C10orf143: variants seen among roughly 807,000 people sequenced by gnomAD.
The protein encoded by C10orf143 is uncharacterized protein C10orf143.
chr10:130,043,706 C>T (rs974184008), intron 3 of C10orf143, among the ~76,000 whole-genome samples: 2 of 152,230 alleles, frequency 1.3e-5, no homozygotes, highest in East Asian at 1.9e-4. Context: ...ATGTTCTCCC[C>T]GAGGGGTGTG....
chr10:130,081,141 G>A (rs1027546588), intron 1 of C10orf143, among the ~76,000 whole-genome samples: 5 of 152,050 alleles, frequency 3.3e-5, no homozygotes, highest in African/African-American at 1.2e-4. Context: ...TAAAAAGGAT[G>A]GACCAAGGTA....
intron 3 of C10orf143, chr10:130,068,270 A>C (rs72843887): frequency 6.6e-6 from 1 of 152,160 alleles, no homozygotes. Context: ...CCAGACATGA[A>C]CTTACCAGAG....
chr10:130,106,987 G>A (rs1861660842), intron 1 of C10orf143: 1 of 1,073,368 alleles, frequency 9.3e-7, no homozygotes, highest in Non-Finnish European at 1.5e-6. Flanking sequence ...TGAAGAAACT[G>A]ATTCATGCTA....
rs753730372 is a variant in C10orf143 at position 130,107,703 on chromosome 10, A to G, written c.69+3001T>C. The G allele has an allele frequency of 1.6e-5, 20 of 1,258,762 alleles. No homozygotes were observed. The South Asian group carries it at 2.4e-4, about 15-fold the overall frequency. 78.0% of individuals were successfully genotyped at this position (1,258,762 alleles called of 1,614,324 possible). On this transcript the variant is annotated intron_variant, in intron 1 of 3. Coordinates refer to ENST00000637128, the MANE Select transcript of C10orf143 (RefSeq NM_001355042.2). The stretch of plus-strand genomic sequence containing the variant: ...CTCTCACCTTTGCCTCCAGGGGGGG[A>G]AGGAAGAGGCTCAAGAGGCCCAGGG...
At chr10:130,060,650 C>T (rs571368107), downstream of C10orf143, among the ~76,000 whole-genome samples, 13 of 151,442 alleles carry the variant, frequency 8.6e-5, no homozygotes, top group Non-Finnish European at 1.9e-4. Context: ...GGTGAAACCC[C>T]ATCTCTACTA....
At chr10:130,105,738 C>G (rs1197085275) in intron 1 of C10orf143, among the ~76,000 whole-genome samples, 2 of 152,218 alleles carry the variant, frequency 1.3e-5, no homozygotes, top group African/African-American at 4.8e-5. Flanking sequence ...TCCCCTCCCC[C>G]CCCAAACAAA....
intron 3 of C10orf143, among the ~76,000 whole-genome samples, chr10:130,037,505 A>G (rs1322226653): frequency 6.6e-6 from 1 of 152,060 alleles, no homozygotes; most frequent in Non-Finnish European, 1.5e-5. Flanking sequence ...TGTCCTTAGC[A>G]TGTCCCTTCT....
intron 1 of C10orf143, chr10:130,106,694 C>T: frequency 8.1e-7 from 1 of 1,227,420 alleles, no homozygotes; most frequent in Non-Finnish European, 1.2e-6. Flanking sequence ...TGAAAACTCT[C>T]ACCTTCAGGA....
intron 3 of C10orf143, among the ~76,000 whole-genome samples, chr10:130,043,318 T>G (rs1470931509): frequency 6.6e-6 from 1 of 152,114 alleles, no homozygotes; most frequent in Non-Finnish European, 1.5e-5. Context: ...CGTTAACATA[T>G]TAAAGCAAAT....
intron 1 of C10orf143, chr10:130,107,599 TC>T: frequency 7.5e-7 from 1 of 1,339,788 alleles, no homozygotes; most frequent in Non-Finnish European, 1.1e-6. Flanking sequence ...CCCCATATGG[TC>T]CCTCATCATT....
intron 1 of C10orf143, among the ~76,000 whole-genome samples, chr10:130,093,300 G>A (rs1331195015): frequency 6.6e-6 from 1 of 152,124 alleles, no homozygotes; most frequent in Non-Finnish European, 1.5e-5. Flanking sequence ...TGAACAACCT[G>A]GTCCTGAATG....
At chr10:130,037,149 T>C (rs544479886) in intron 3 of C10orf143, among the ~76,000 whole-genome samples, 2 of 152,198 alleles carry the variant, frequency 1.3e-5, no homozygotes, top group East Asian at 3.9e-4. Flanking sequence ...AAAGTCTGGG[T>C]GGGGACCAAG....
At chr10:130,098,913 C>T (rs748887106) in intron 1 of C10orf143, among the ~76,000 whole-genome samples, 5 of 152,016 alleles carry the variant, frequency 3.3e-5, no homozygotes, top group Non-Finnish European at 7.4e-5. Flanking sequence ...TGGAGAAACC[C>T]CATCTCTACT....
chr10:130,048,975 G>C (rs1860707669), intron 3 of C10orf143, among the ~76,000 whole-genome samples: 1 of 152,076 alleles, frequency 6.6e-6, no homozygotes, highest in Admixed American at 6.6e-5. Context: ...CAGTCACTGG[G>C]GTTACAGATG....
intron 1 of C10orf143, among the ~76,000 whole-genome samples, chr10:130,082,478 G>C (rs892274585): frequency 6.6e-6 from 1 of 152,238 alleles, no homozygotes; most frequent in South Asian, 2.1e-4. Context: ...ACCCAGTGGG[G>C]GATAATTGAA....
intron 3 of C10orf143, among the ~76,000 whole-genome samples, chr10:130,043,993 C>T (rs1449441335): frequency 6.8e-6 from 1 of 147,846 alleles, no homozygotes; most frequent in Non-Finnish European, 1.5e-5. Flanking sequence ...CAGACCATGG[C>T]AGGGAGAGAG....
At chr10:130,059,569 A>T (rs753924906), downstream of C10orf143, among the ~76,000 whole-genome samples, 1 of 152,344 alleles carries the variant, frequency 6.6e-6, no homozygotes, top group East Asian at 1.9e-4. Flanking sequence ...GGCATCAATC[A>T]AAAGAGAAGA....
intron 1 of C10orf143, chr10:130,107,722 C>T (rs1218574696): frequency 8.1e-7 from 1 of 1,236,906 alleles, no homozygotes; most frequent in African/African-American, 1.5e-5. Context: ...GCTCAAGAGG[C>T]CCAGGGAATC....
chr10:130,075,991 G>GTTTTTT (rs1003386182), intron 3 of C10orf143, among the ~76,000 whole-genome samples: 1 of 146,720 alleles, frequency 6.8e-6, no homozygotes, highest in Non-Finnish European at 1.5e-5. Context: ...TTGTTTGTTT[G>GTTTTTT]TTTTTTTTTT....
Sources: gnomAD v4.1 joint callset for allele counts (sites outside exome capture counted in the v4.1 genomes callset) on GRCh38, gnomAD v4.1.1 for gene constraint, MANE v1.5 for transcripts, NCBI Gene and HGNC (gene_info 2026-07-23, HGNC 2026-07-21) for gene names.